Variants in TTC23 observed in about 807,000 individuals in gnomAD.
TTC23 encodes tetratricopeptide repeat domain 23.
In TTC23, 58 loss-of-function variants were observed where a neutral mutation model predicts 55.1. That is an observed-to-expected ratio of 1.05 (90% CI 0.85 to 1.31). The LOEUF (loss-of-function observed/expected upper bound fraction) is 1.31. Ranked by LOEUF, TTC23 falls within the 50% of genes most tolerant of loss-of-function variation. TTC23 has a pLI of 0.00. For missense variants in TTC23, 516 were observed against 534.4 expected (o/e 0.97, Z 0.34); for synonymous variants, 203 against 199.9 (o/e 1.02, Z -0.13).
intron 9 of TTC23, among the ~76,000 whole-genome samples, chr15:99,177,592 A>C (rs1249963827): frequency 6.6e-6 from 1 of 152,234 alleles, no homozygotes; most frequent in Non-Finnish European, 1.5e-5. Flanking sequence ...CTTTTCCCCT[A>C]CTATCTCTAC....
intron 2 of TTC23, among the ~76,000 whole-genome samples, 156 bp from the exon 3 acceptor site, chr15:99,241,715 C>T (rs1193530635): frequency 6.6e-6 from 1 of 152,202 alleles, no homozygotes; most frequent in African/African-American, 2.4e-5. Flanking sequence ...GCCAACTAGG[C>T]TGGAGCTCAG....
Position 99,198,532 on chromosome 15 carries a change from T to C in TTC23, c.759+1387A>G, listed in dbSNP as rs941490191. Reference sequence around the variant, plus strand: ...CTTCCTAAGTGGTCTAGTTCTATGGTTGGCACAACCTCCCCAATCCATTCT... The same window carrying C: ...CTTCCTAAGTGGTCTAGTTCTATGGCTGGCACAACCTCCCCAATCCATTCT... On this transcript the variant is annotated intron_variant, in intron 9 of 13. Coordinates refer to ENST00000394132, the MANE Select transcript of TTC23 (RefSeq NM_001288615.3). Among the ~76,000 whole-genome samples, 7 of 152,356 alleles carry C rather than the reference T, an allele frequency of 4.6e-5. No homozygotes were observed. The East Asian group carries it at 9.6e-4, about 21-fold the overall frequency.
At chr15:99,168,395 A>G (rs1022664049) in intron 10 of TTC23, among the ~76,000 whole-genome samples, 3 of 152,128 alleles carry the variant, frequency 2.0e-5, no homozygotes, top group African/African-American at 7.2e-5. Flanking sequence ...CATGACCACA[A>G]CTTGGGGCCA....
intron 9 of TTC23, among the ~76,000 whole-genome samples, chr15:99,193,613 G>A (rs901876027): frequency 5.3e-5 from 8 of 152,184 alleles, no homozygotes; most frequent in African/African-American, 1.9e-4. Flanking sequence ...TCTTGGGTAT[G>A]TCTTTATCAG....
At chr15:99,224,185 G>C (rs2078190947) in intron 5 of TTC23, among the ~76,000 whole-genome samples, 2 of 152,222 alleles carry the variant, frequency 1.3e-5, no homozygotes, top group Admixed American at 6.5e-5. Context: ...AGTGCTGAAA[G>C]AAGGTGGACT....
At chr15:99,209,106 A>G (rs1434400590) in intron 8 of TTC23, among the ~76,000 whole-genome samples, 1 of 152,250 alleles carries the variant, frequency 6.6e-6, no homozygotes, top group Non-Finnish European at 1.5e-5. Flanking sequence ...ACAGAGCACA[A>G]GAGGAGACAC....
chr15:99,153,134 G>T (rs1183298240), intron 12 of TTC23, among the ~76,000 whole-genome samples: 1 of 152,196 alleles, frequency 6.6e-6, no homozygotes, highest in Non-Finnish European at 1.5e-5. Flanking sequence ...TGACACATGG[G>T]CAAACGCAGG....
intron 9 of TTC23, among the ~76,000 whole-genome samples, chr15:99,184,943 G>A (rs575874945): frequency 9.9e-5 from 15 of 152,218 alleles, no homozygotes; most frequent in South Asian, 6.2e-4. Flanking sequence ...TGCTGTTCTC[G>A]TGATGGTGAA....
chr15:99,201,776 C>G (rs2076222078), intron 8 of TTC23, among the ~76,000 whole-genome samples: 1 of 152,126 alleles, frequency 6.6e-6, no homozygotes, highest in Non-Finnish European at 1.5e-5. Flanking sequence ...TGTGGGCTTC[C>G]TTTCTGATGC....
chr15:99,244,833 C>T lies in TTC23; in HGVS notation c.-309+556G>A, dbSNP rs150385349. ...CGAGACTAAGAATAAATAAAACAAT[C>T]TTAAAAAAGAAGTTGGAGGACTCAC... On this transcript the variant is annotated intron_variant, in intron 2 of 13. Transcript: ENST00000394132. Among the ~76,000 whole-genome samples the T allele has an allele frequency of 7.5e-3, 1,138 of 152,114 alleles. 18 individuals carry two copies. The highest frequency in any genetic ancestry group is 0.026 in the African/African-American group (1,069 of 41,500).
intron 12 of TTC23, among the ~76,000 whole-genome samples, chr15:99,141,407 T>TA (rs1425663872): frequency 6.6e-6 from 1 of 152,146 alleles, no homozygotes; most frequent in Non-Finnish European, 1.5e-5. Flanking sequence ...ATGGGAATGA[T>TA]ATCAAATTTA....
At chr15:99,139,543 GTGAC>G (rs1244952390) in intron 12 of TTC23, 144 bp from the exon 13 acceptor site, 4 of 1,548,334 alleles carry the variant, frequency 2.6e-6, no homozygotes, top group East Asian at 2.5e-5. Context: ...ATGTCTCCTA[GTGAC>G]TGACCTTTGG....
chr15:99,193,938 G>A (rs2075469479), intron 9 of TTC23, among the ~76,000 whole-genome samples: 1 of 152,076 alleles, frequency 6.6e-6, no homozygotes, highest in Non-Finnish European at 1.5e-5. Flanking sequence ...GAACCTGGGA[G>A]GTGGAGGTTG....
rs1335759008 is a variant in TTC23, at chr15:99,156,205, C to G, written c.1086G>C (p.Leu362=). 2 of 1,614,106 alleles carry G rather than the reference C, an allele frequency of 1.2e-6. No individual in the cohort carries two copies. The highest frequency in any genetic ancestry group is 1.7e-6 in the Non-Finnish European group (2 of 1,180,050). Residue 362 remains leucine, a synonymous_variant, in exon 12 of 14, where the codon CTG becomes CTC. Coordinates refer to ENST00000394132, the MANE Select transcript of TTC23 (RefSeq NM_001288615.3). ...SPEVAETYRL[L]GGADLAQGNH... ...TCCCCTGCGCCAGGTCTGCTCCTCC[C>G]AGGAGCCGGTATGTCTCTGCCACCT...
intron 10 of TTC23, among the ~76,000 whole-genome samples, chr15:99,166,063 A>G (rs1302337946): frequency 6.6e-6 from 1 of 152,162 alleles, no homozygotes; most frequent in African/African-American, 2.4e-5. Context: ...CTGCAGATGT[A>G]TAAGGCATGG....
chr15:99,174,659 A>G (rs1016843195), intron 10 of TTC23, among the ~76,000 whole-genome samples: 2 of 152,202 alleles, frequency 1.3e-5, no homozygotes, highest in Non-Finnish European at 1.5e-5. Context: ...CCTGATGGAA[A>G]GTTCAGCCCT....
chr15:99,182,368 C>T (rs1163141773), intron 9 of TTC23, among the ~76,000 whole-genome samples: 2 of 152,010 alleles, frequency 1.3e-5, no homozygotes, highest in African/African-American at 4.8e-5. Context: ...AATGGCCAGA[C>T]AGCTAAATTG....
intron 2 of TTC23, among the ~76,000 whole-genome samples, chr15:99,244,451 A>T (rs1275146929): frequency 6.6e-6 from 1 of 152,234 alleles, no homozygotes. Context: ...AAGTTCGGCA[A>T]GGCCATAGGA....
At chr15:99,236,415 T>C (rs549836229) in intron 3 of TTC23, among the ~76,000 whole-genome samples, 23 of 152,296 alleles carry the variant, frequency 1.5e-4, no homozygotes, top group African/African-American at 5.3e-4. Flanking sequence ...ATGTACTTAT[T>C]GGCCATCTGT....
Sources: gnomAD v4.1 joint callset for allele counts (sites outside exome capture counted in the v4.1 genomes callset) on GRCh38, gnomAD v4.1.1 for gene constraint, MANE v1.5 for transcripts, NCBI Gene and HGNC (gene_info 2026-07-23, HGNC 2026-07-21) for gene names.